Variants in SLA observed in about 807,000 individuals in gnomAD.
The protein encoded by SLA is Src like adaptor.
A neutral mutation model predicts 30.3 loss-of-function variants in SLA; 16 were observed. The ratio of observed to expected loss-of-function variants is 0.53; its 90% CI spans 0.36 to 0.80. The LOEUF is 0.80. Ranked by LOEUF, SLA falls within the 30% of genes least tolerant of loss-of-function variation. The pLI is 0.01. For missense variants in SLA, 310 were observed against 345.2 expected, an observed-to-expected ratio of 0.90 and a Z score of 0.81; for synonymous variants, 143 against 137.8, an observed-to-expected ratio of 1.04 and a Z score of -0.26.
rs557079544 is a variant in SLA at position 133,100,175 on chromosome 8, G to A, written c.-319+2378C>T. ...TGAGCACATCCCATATCAGGGTCCT[G>A]GTACTTGCTGTTTTTTCTTCTGGAA... On this transcript the variant is annotated intron_variant, in intron 1 of 8. Transcript: ENST00000338087. 7.2e-5 allele frequency among the ~76,000 whole-genome samples: 11 copies of A among 152,278 alleles called. 1 individual carries two copies. In the East Asian group the frequency reaches 2.1e-3, roughly 29 times the overall value.
At chr8:133,060,608 T>C (rs1455348262) in intron 2 of SLA, among the ~76,000 whole-genome samples, 1 of 152,210 alleles carries the variant, frequency 6.6e-6, no homozygotes, top group East Asian at 1.9e-4. Context: ...GAGTTGTGTG[T>C]CTGTACAACC....
intron 2 of SLA, among the ~76,000 whole-genome samples, chr8:133,069,375 C>G (rs138718058): frequency 2.6e-5 from 4 of 152,370 alleles, no homozygotes; most frequent in African/African-American, 9.6e-5. Flanking sequence ...CTGTCAGTCA[C>G]TTGTCCAGGG....
At chr8:133,059,060 A>G (rs1301505330) in intron 3 of SLA, 1 of 456,520 alleles carries the variant, frequency 2.2e-6, no homozygotes, top group South Asian at 1.5e-5. Flanking sequence ...AATGTGCAGT[A>G]CCTGGAGGCA....
rs1351501411 is a variant in SLA, at chr8:133,050,924, A to T, written c.62-9T>A. 1 of 1,589,934 alleles carries T rather than the reference A, an allele frequency of 6.3e-7. No homozygotes were observed. The highest frequency in any genetic ancestry group is 2.2e-5 in the East Asian group (1 of 44,702). The stretch of plus-strand genomic sequence containing the variant: ...GAAGTCGCTATCCAGTCCTGGGGAA[A>T]CAAAGGCAAGGGGGAAGGGGGCAAG... On this transcript the variant is annotated splice_polypyrimidine_tract_variant and intron_variant, in intron 3 of 8. Transcript: ENST00000338087.
At chr8:133,068,012 G>T (rs2739144) in intron 2 of SLA, among the ~76,000 whole-genome samples, 2 of 151,954 alleles carry the variant, frequency 1.3e-5, no homozygotes, top group African/African-American at 4.8e-5. Context: ...ATGAAAGGGA[G>T]TAGCTGCCTG....
At chr8:133,047,016 A>G (rs1165492275) in intron 6 of SLA, 1 of 152,158 alleles carries the variant, frequency 6.6e-6, no homozygotes, top group African/African-American at 2.4e-5. Context: ...AGTTATTATT[A>G]TTATTCAGTC....
At chr8:133,047,328 C>G (rs1403198062) in intron 6 of SLA, 1 of 155,070 alleles carries the variant, frequency 6.4e-6, no homozygotes, top group Non-Finnish European at 1.4e-5. Context: ...TTACGGAGCA[C>G]AGAGGAAACT....
At chr8:133,071,614 A>G (rs1257078451) in intron 2 of SLA, among the ~76,000 whole-genome samples, 1 of 151,952 alleles carries the variant, frequency 6.6e-6, no homozygotes. Context: ...CTGATTGTCC[A>G]TGTGACTTGG....
At chr8:133,098,014 A>G (rs1423518267) in intron 1 of SLA, among the ~76,000 whole-genome samples, 1 of 152,094 alleles carries the variant, frequency 6.6e-6, no homozygotes, top group Admixed American at 6.6e-5. Context: ...GCTTGCATCT[A>G]GCTAACTCAC....
intron 1 of SLA, among the ~76,000 whole-genome samples, chr8:133,081,858 T>A (rs1298694832): frequency 2.0e-5 from 3 of 152,192 alleles, no homozygotes; most frequent in African/African-American, 7.2e-5. Flanking sequence ...GCTGCACTCC[T>A]GTGTAAGCCT....
rs548049342 is a variant in SLA, at chr8:133,054,586, G to T, written c.62-3671C>A. ...CTAATATTATTTTCATGGAGAGCGG[G>T]GTCACCAGACCATAACTCAAGACCA... On this transcript the variant is annotated intron_variant, in intron 3 of 8. Transcript: ENST00000338087. 7.9e-5 allele frequency among the ~76,000 whole-genome samples: 12 copies of T among 152,164 alleles called. No homozygotes were observed. In the East Asian group the frequency reaches 2.3e-3, roughly 29 times the overall value.
chr8:133,097,341 A>G (rs1442704580), intron 1 of SLA, among the ~76,000 whole-genome samples: 1 of 152,258 alleles, frequency 6.6e-6, no homozygotes, highest in Non-Finnish European at 1.5e-5. Context: ...TATATACAAG[A>G]GTATTTATTG....
At chr8:133,064,979 G>A (rs1842854501) in intron 2 of SLA, among the ~76,000 whole-genome samples, 1 of 152,204 alleles carries the variant, frequency 6.6e-6, no homozygotes, top group African/African-American at 2.4e-5. Context: ...AACCCTTGGT[G>A]ACAGTTAGAA....
chr8:133,059,226 T>A (rs1292899071), intron 3 of SLA: 1 of 442,716 alleles, frequency 2.3e-6, no homozygotes, highest in Non-Finnish European at 4.6e-6. Context: ...CCCCAAATGC[T>A]ACCATGTAAG....
intron 1 of SLA, among the ~76,000 whole-genome samples, chr8:133,091,446 G>T (rs1329819146): frequency 6.6e-6 from 1 of 152,162 alleles, no homozygotes; most frequent in African/African-American, 2.4e-5. Flanking sequence ...CCTCCTGCTT[G>T]TCCGGGTAGC....
chr8:133,060,323 G>GTT (rs747844787), intron 2 of SLA, 123 bp from the exon 3 acceptor site: 2 of 1,555,944 alleles, frequency 1.3e-6, no homozygotes, highest in Non-Finnish European at 1.7e-6. Context: ...AAAGGCGGCT[G>GTT]TTTATATGTG....
intron 1 of SLA, chr8:133,102,348 G>A (rs1365858653): frequency 7.9e-6 from 4 of 507,026 alleles, no homozygotes; most frequent in African/African-American, 1.9e-5. Flanking sequence ...AAGTCACGGA[G>A]GGACAGGAGT....
chr8:133,074,296 C>A (rs1010983815), intron 2 of SLA, among the ~76,000 whole-genome samples: 1 of 152,142 alleles, frequency 6.6e-6, no homozygotes, highest in Non-Finnish European at 1.5e-5. Flanking sequence ...CTCCAAGTAG[C>A]GCTATTGCAA....
chr8:133,064,918 C>G (rs2248331), intron 2 of SLA, among the ~76,000 whole-genome samples: 121,094 of 151,508 alleles, frequency 0.8, 48,548 homozygotes, highest in Admixed American at 0.85. Context: ...GAAGGGGAGA[C>G]AAATTGAGGA....
Sources: gnomAD v4.1 joint callset for allele counts (sites outside exome capture counted in the v4.1 genomes callset) on GRCh38, gnomAD v4.1.1 for gene constraint, MANE v1.5 for transcripts, NCBI Gene and HGNC (gene_info 2026-07-23, HGNC 2026-07-21) for gene names.